ARSB: variants seen among roughly 807,000 people sequenced by gnomAD.
ARSB encodes the protein N-acetylgalactosamine-4-sulfatase.
In ARSB, 41 loss-of-function variants were observed where a neutral mutation model predicts 50.9. The ratio of observed to expected loss-of-function variants is 0.81; its 90% CI spans 0.63 to 1.04. ARSB has a LOEUF of 1.04. ARSB is among the 50% of genes least tolerant of loss of function. The pLI is 0.00. For synonymous variants in ARSB, 269 were observed against 284.8 expected (o/e 0.94, Z 0.56); for missense variants, 672 against 693.3 (o/e 0.97, Z 0.35).
chr5:78,860,629 A>G (rs1031475725), intron 5 of ARSB, among the ~76,000 whole-genome samples: 6 of 152,234 alleles, frequency 3.9e-5, no homozygotes, highest in Admixed American at 1.3e-4. Context: ...AGGGAAATCT[A>G]TAGCACTAAA....
intron 5 of ARSB, among the ~76,000 whole-genome samples, chr5:78,855,070 C>A (rs1457770605): frequency 6.6e-6 from 1 of 152,078 alleles, no homozygotes; most frequent in Non-Finnish European, 1.5e-5. Context: ...CTAGTACAGC[C>A]CCAGGAAGGA....
chr5:78,791,873 T>C (rs555928136), intron 6 of ARSB, among the ~76,000 whole-genome samples: 2 of 152,210 alleles, frequency 1.3e-5, no homozygotes, highest in East Asian at 3.9e-4. Flanking sequence ...CCCTAACAGC[T>C]GGGAAGTGGG....
intron 7 of ARSB, among the ~76,000 whole-genome samples, chr5:78,780,893 G>A (rs772714621): frequency 1.3e-5 from 2 of 152,206 alleles, no homozygotes; most frequent in Admixed American, 1.3e-4. Flanking sequence ...GTGCATGTGT[G>A]TATGTCCTTG....
At chr5:78,955,622 TTGA>T in intron 3 of ARSB, 120 bp from the exon 4 acceptor site, 1 of 817,716 alleles carries the variant, frequency 1.2e-6, no homozygotes, top group Non-Finnish European at 2.1e-6. Context: ...ACAGAATGCA[TTGA>T]AAGTATTTGT....
intron 4 of ARSB, among the ~76,000 whole-genome samples, chr5:78,901,047 G>A (rs1428988005): frequency 3.3e-4 from 38 of 115,186 alleles, no homozygotes; most frequent in African/African-American, 5.2e-4. Flanking sequence ...TCCGTCTCAG[G>A]AAAAAAAAAA....
intron 2 of ARSB, among the ~76,000 whole-genome samples, chr5:78,966,452 T>A (rs1158889991): frequency 6.6e-6 from 1 of 152,236 alleles, no homozygotes; most frequent in African/African-American, 2.4e-5. Flanking sequence ...ACCACACAAG[T>A]CACTCATTTA....
At chr5:78,874,009 T>C (rs996287679) in intron 5 of ARSB, among the ~76,000 whole-genome samples, 2 of 152,154 alleles carry the variant, frequency 1.3e-5, no homozygotes, top group Non-Finnish European at 2.9e-5. Flanking sequence ...TGCAAAGGAA[T>C]AAAATCAGGC....
At chr5:78,803,250 C>T (rs74362760) in intron 6 of ARSB, among the ~76,000 whole-genome samples, 3,371 of 152,270 alleles carry the variant, frequency 0.022, 128 homozygotes, top group African/African-American at 0.077. Context: ...AGCCTCCCGA[C>T]AGACAATTCT....
At chr5:78,913,518 T>C (rs1749404171) in intron 4 of ARSB, among the ~76,000 whole-genome samples, 2 of 152,244 alleles carry the variant, frequency 1.3e-5, no homozygotes, top group South Asian at 2.1e-4. Flanking sequence ...TGTTGTGTGA[T>C]GGAACTTACT....
chr5:78,966,323 C>T lies in ARSB; in HGVS notation c.500-1717G>A, dbSNP rs559060384. ...TGATTCACAAATTTGAACTTCAATACTGAGCCTAAAGATGATGGCAGCCTA... is the reference window on the plus strand; with the variant it reads ...TGATTCACAAATTTGAACTTCAATATTGAGCCTAAAGATGATGGCAGCCTA... On this transcript the variant is annotated intron_variant, in intron 2 of 7. Transcript: ENST00000264914. 4.3e-4 allele frequency among the ~76,000 whole-genome samples: 65 copies of T among 152,318 alleles called. 1 individual carries two copies. Among genetic ancestry groups the T allele is most frequent in the South Asian group, 3.9e-3 (19 of 4,822 alleles).
chr5:78,984,724 C>G (rs1753071996), intron 1 of ARSB, among the ~76,000 whole-genome samples: 1 of 152,010 alleles, frequency 6.6e-6, no homozygotes, highest in Non-Finnish European at 1.5e-5. Context: ...GGCGCGGGTC[C>G]GCGGGGCGCC....
chr5:78,790,733 A>AT (rs1033760913), intron 6 of ARSB, among the ~76,000 whole-genome samples: 1 of 152,146 alleles, frequency 6.6e-6, no homozygotes, highest in African/African-American at 2.4e-5. Context: ...ATATAGTTTC[A>AT]TTTTCTTTTA....
chr5:78,819,969 A>G (rs1744146034), intron 6 of ARSB, among the ~76,000 whole-genome samples: 1 of 152,242 alleles, frequency 6.6e-6, no homozygotes, highest in South Asian at 2.1e-4. Flanking sequence ...GATGGCATTA[A>G]GAGGTGGGGC....
At chr5:78,910,258 C>T (rs912239715) in intron 4 of ARSB, among the ~76,000 whole-genome samples, 8 of 152,218 alleles carry the variant, frequency 5.3e-5, no homozygotes, top group Non-Finnish European at 7.3e-5. Flanking sequence ...CTCCTGGGCC[C>T]GCTGTTCTTT....
intron 4 of ARSB, among the ~76,000 whole-genome samples, chr5:78,922,318 G>A (rs1749855596): frequency 6.6e-6 from 1 of 151,892 alleles, no homozygotes; most frequent in Non-Finnish European, 1.5e-5. Context: ...GGAGAGGGAT[G>A]ACTAAAGAGG....
At chr5:78,831,744 A>G (rs1198601746) in intron 6 of ARSB, among the ~76,000 whole-genome samples, 1 of 152,200 alleles carries the variant, frequency 6.6e-6, no homozygotes, top group African/African-American at 2.4e-5. Flanking sequence ...AGGGGCCCTT[A>G]GCCTCTGGCA....
rs10683109 is a variant in ARSB at position 78,962,524 on chromosome 5, A to ATTTTTTTTT, written c.690+1883_690+1891dup. Among the ~76,000 whole-genome samples, 147 of 106,192 alleles carry ATTTTTTTTT rather than the reference A, an allele frequency of 1.4e-3. 6 individuals carry two copies. Among genetic ancestry groups the ATTTTTTTTT allele is most frequent in the African/African-American group, 4.5e-3 (114 of 25,272 alleles). The allele number at this position is 106,192 out of a possible 152,430, so 69.7% of individuals were successfully genotyped here. On this transcript the variant is annotated intron_variant, in intron 3 of 7. Coordinates refer to ENST00000264914, the MANE Select transcript of ARSB (RefSeq NM_000046.5). ...GTGTTTTCACTTCTACATGTGCTCG[A>ATTTTTTTTT]TTTTTTTTTTTTTTTTTTTTTGAGA...
At chr5:78,955,589 TA>T in intron 3 of ARSB, 87 bp from the exon 4 acceptor site, 2 of 1,092,220 alleles carry the variant, frequency 1.8e-6, no homozygotes, top group Non-Finnish European at 2.8e-6. Context: ...TATGCATTAA[TA>T]AAAATAATAT....
intron 4 of ARSB, among the ~76,000 whole-genome samples, chr5:78,942,217 T>A (rs1026948755): frequency 3.3e-5 from 5 of 151,032 alleles, no homozygotes; most frequent in Non-Finnish European, 7.4e-5. Flanking sequence ...ATTTTGTTGA[T>A]CTTTTCAAAA....
Sources: allele counts gnomAD v4.1 joint callset (sites outside exome capture counted in the v4.1 genomes callset), GRCh38; gene constraint gnomAD v4.1.1; transcripts MANE v1.5; gene names NCBI Gene and HGNC (gene_info 2026-07-23, HGNC 2026-07-21).